Variants in ST18 observed in about 807,000 individuals in gnomAD.
ST18 encodes suppression of tumorigenicity 18 protein.
ST18 carries 50 observed loss-of-function variants against 110.0 expected under a neutral mutation model. The observed-to-expected ratio is 0.45, with a 90% CI of 0.36 to 0.58. ST18 has a LOEUF of 0.58. ST18 is among the 20% of genes least tolerant of loss of function. The pLI, the probability that ST18 is intolerant of heterozygous loss-of-function variation, is 0.00. For missense variants in ST18, 1,306 were observed against 1,280.1 expected (o/e 1.02, Z -0.31); for synonymous variants, 461 against 452.4 (o/e 1.02, Z -0.24).
intron 16 of ST18, among the ~76,000 whole-genome samples, chr8:52,147,178 A>T (rs921546403): frequency 1.3e-5 from 2 of 152,200 alleles, no homozygotes; most frequent in Non-Finnish European, 2.9e-5. Context: ...AAAGAATCCC[A>T]TCTTGTGTGT....
intron 2 of ST18, among the ~76,000 whole-genome samples, chr8:52,319,568 C>T (rs375456744): frequency 6.6e-6 from 1 of 151,952 alleles, no homozygotes; most frequent in East Asian, 1.9e-4. Flanking sequence ...ACCATAAAGC[C>T]TTTTTTGCAC....
At chr8:52,286,978 G>C (rs1323941520) in intron 2 of ST18, among the ~76,000 whole-genome samples, 1 of 151,842 alleles carries the variant, frequency 6.6e-6, no homozygotes. Context: ...GAAAACCACT[G>C]GTCTAAAGAA....
intron 2 of ST18, among the ~76,000 whole-genome samples, chr8:52,365,883 A>G (rs1250869919): frequency 1.4e-5 from 2 of 142,072 alleles, no homozygotes; most frequent in South Asian, 2.2e-4. Flanking sequence ...TTTTTTTTGT[A>G]GAGATAGGGG....
At chr8:52,273,136 G>A (rs2095130560) in intron 2 of ST18, among the ~76,000 whole-genome samples, 1 of 152,124 alleles carries the variant, frequency 6.6e-6, no homozygotes, top group South Asian at 2.1e-4. Context: ...GAGCCAAAAA[G>A]CCCATCTGAA....
In ST18 at chr8:52,199,112, T is replaced by C. The variant is rs1334596013; in HGVS notation, c.86+12967A>G. Reference sequence around the variant, plus strand: ...TAGTTTAAGCTTCCATTACATAACCTTTTTTTTTTTTTTTAACATTTCATA... The same window carrying C: ...TAGTTTAAGCTTCCATTACATAACCCTTTTTTTTTTTTTTAACATTTCATA... On this transcript the variant is annotated intron_variant, in intron 8 of 25. Coordinates refer to ENST00000689386, the MANE Select transcript of ST18 (RefSeq NM_001352837.2). 3 of 50,482 alleles carry C rather than the reference T, an allele frequency of 5.9e-5. No homozygotes were observed. In the African/African-American group the frequency reaches 8.0e-4, roughly 14 times the overall value. 3.1% of individuals were successfully genotyped at this position (50,482 alleles called of 1,614,324 possible).
intron 8 of ST18, among the ~76,000 whole-genome samples, chr8:52,195,007 C>G (rs1425227492): frequency 6.6e-6 from 1 of 152,146 alleles, no homozygotes; most frequent in East Asian, 1.9e-4. Context: ...AATTTATACT[C>G]AAAGACAATA....
At chr8:52,399,064 T>C (rs889717019) in intron 2 of ST18, among the ~76,000 whole-genome samples, 1 of 152,076 alleles carries the variant, frequency 6.6e-6, no homozygotes, top group Non-Finnish European at 1.5e-5. Flanking sequence ...AGCCAACTGG[T>C]CCTGGGCTTT....
chr8:52,142,932 G>A lies in ST18; in HGVS notation c.2166C>T (p.Ile722=), dbSNP rs1381231182. The change falls in exon 17 of 26, where the codon ATC becomes ATT. Residue 722 remains isoleucine, a splice_region_variant and synonymous_variant. Transcript: ENST00000689386. ...LHARDLKKEL[I]TCPTPGCDGS... is the part of the protein sequence containing the mutation. ...GCATGGCATTGGGCACCACTTACGT[G>A]ATTAGTTCCTTTTTGAGATCTCTTG... 6.2e-7 allele frequency: 1 copy of A among 1,608,752 alleles called. No homozygotes were observed.
intron 2 of ST18, among the ~76,000 whole-genome samples, chr8:52,335,398 G>C (rs1246469670): frequency 2.0e-5 from 3 of 152,086 alleles, no homozygotes; most frequent in Non-Finnish European, 4.4e-5. Context: ...GGGAATACAG[G>C]TGAATTATTC....
At chr8:52,280,514 A>C (rs2095356193) in intron 2 of ST18, among the ~76,000 whole-genome samples, 2 of 152,116 alleles carry the variant, frequency 1.3e-5, no homozygotes, top group Admixed American at 1.3e-4. Flanking sequence ...AAAAGCCGAA[A>C]GTAAAAAGTT....
In ST18 at chr8:52,178,645, C is replaced by CAAAAAAA. The variant is rs1563897561; in HGVS notation, c.277+1476_277+1477insTTTTTTT. 2.2e-3 allele frequency among the ~76,000 whole-genome samples: 65 copies of CAAAAAAA among 30,080 alleles called. 11 individuals carry two copies. The highest frequency in any genetic ancestry group is 2.5e-3 in the East Asian group (3 of 1,196). 19.7% of individuals were successfully genotyped at this position (30,080 alleles called of 152,430 possible). A position where few individuals can be genotyped will look rare whatever the true frequency, so the allele number is the denominator to read the frequency against. On this transcript the variant is annotated intron_variant, in intron 9 of 25. Transcript: ENST00000689386. ...AAAAAAAAAAAAAAAAAAAAAAAAC[C>CAAAAAAA]ACCAAAAACCAAAATAAAACAAACA...
At chr8:52,366,437 T>C (rs1454000087) in intron 2 of ST18, among the ~76,000 whole-genome samples, 2 of 152,182 alleles carry the variant, frequency 1.3e-5, no homozygotes, top group South Asian at 2.1e-4. Flanking sequence ...CCTGTCTGTC[T>C]TTCCAGCCTC....
At chr8:52,339,327 G>C (rs954562955) in intron 2 of ST18, among the ~76,000 whole-genome samples, 2 of 152,162 alleles carry the variant, frequency 1.3e-5, no homozygotes, top group Admixed American at 6.5e-5. Context: ...CTTCTCTGAC[G>C]TGTTCCTTCC....
At chr8:52,253,810 A>G (rs1221097481) in intron 2 of ST18, among the ~76,000 whole-genome samples, 1 of 152,104 alleles carries the variant, frequency 6.6e-6, no homozygotes, top group Non-Finnish European at 1.5e-5. Context: ...ATTTCATATC[A>G]AATAGTCTCT....
chr8:52,312,676 C>G (rs1428809981), intron 2 of ST18, among the ~76,000 whole-genome samples: 1 of 152,084 alleles, frequency 6.6e-6, no homozygotes. Context: ...AAAAAAAGAC[C>G]AGGAAAATGG....
chr8:52,144,069 T>C (rs28701724), intron 16 of ST18, among the ~76,000 whole-genome samples: 3,448 of 152,268 alleles, frequency 0.023, 138 homozygotes, highest in African/African-American at 0.079. Context: ...AGTTTAATAC[T>C]GACCTTGATT....
chr8:52,362,683 C>T (rs559695877), intron 2 of ST18, among the ~76,000 whole-genome samples: 10 of 152,254 alleles, frequency 6.6e-5, no homozygotes, highest in Non-Finnish European at 1.2e-4. Flanking sequence ...TGATGCATTG[C>T]TGAGGACACA....
chr8:52,133,480 G>A (rs151279604), intron 19 of ST18, among the ~76,000 whole-genome samples, 179 bp from the exon 20 acceptor site: 2 of 152,206 alleles, frequency 1.3e-5, no homozygotes, highest in Non-Finnish European at 2.9e-5. Context: ...TGCTTTCTGT[G>A]TGAGACTGTT....
In ST18 at chr8:52,164,029, G is replaced by A. The variant is rs759589135; in HGVS notation, c.1357C>T (p.Leu453Phe). The A allele has an allele frequency of 3.1e-6, 5 of 1,614,184 alleles. No homozygotes were observed. The South Asian group carries it at 4.4e-5, about 14-fold the overall frequency. ...CACTGCCCAGTTTGGGGAGAATCAA[G>A]CTGATTTTTATCCTGGGACATTGCC... is the stretch of plus-strand genomic sequence containing the variant. ...KLAMSQDKNQ[L>F]DSPQTGQCPD... is the part of the protein sequence containing the mutation. The change falls in exon 13 of 26, where the codon CTT becomes TTT. Residue 453 changes from leucine to phenylalanine, a missense_variant. Leu to Phe is a conservative substitution (Grantham distance 22). Transcript: ENST00000689386.
Sources: gnomAD v4.1 joint callset for allele counts (sites outside exome capture counted in the v4.1 genomes callset) on GRCh38, gnomAD v4.1.1 for gene constraint, MANE v1.5 for transcripts, NCBI Gene and HGNC (gene_info 2026-07-23, HGNC 2026-07-21) for gene names.